Variants in LRRC4C observed in about 807,000 individuals in gnomAD.
LRRC4C encodes the protein leucine rich repeat containing 4C.
In LRRC4C, 5 loss-of-function variants were observed where a neutral mutation model predicts 33.6. That is an observed-to-expected ratio of 0.15 (90% confidence interval 0.08 to 0.31). The LOEUF (loss-of-function observed/expected upper bound fraction) is 0.31, where lower values mean the gene tolerates loss of function less well. Among genes scored for constraint, LRRC4C ranks in the 10% least tolerant of loss-of-function variants. The pLI, the probability that LRRC4C is intolerant of heterozygous loss-of-function variation, is 1.00. For missense variants in LRRC4C, 560 were observed against 796.7 expected, an observed-to-expected ratio of 0.70 and a Z score of 3.58; for synonymous variants, 329 against 302.0, an observed-to-expected ratio of 1.09 and a Z score of -0.93.
intron 3 of LRRC4C, among the ~76,000 whole-genome samples, chr11:40,329,110 T>C (rs1382909282): frequency 2.6e-5 from 4 of 152,192 alleles, no homozygotes; most frequent in African/African-American, 9.6e-5. Context: ...AAAATGCTAC[T>C]CTTTATAAGT....
intron 3 of LRRC4C, among the ~76,000 whole-genome samples, chr11:40,483,968 C>T (rs1953725621): frequency 6.6e-6 from 1 of 151,804 alleles, no homozygotes; most frequent in Non-Finnish European, 1.5e-5. Context: ...TAAAATGACC[C>T]CTGACTTAAC....
chr11:40,883,034 T>TGGAACTAAAAGGCTAC (rs1294189061), intron 2 of LRRC4C, among the ~76,000 whole-genome samples: 2 of 152,104 alleles, frequency 1.3e-5, no homozygotes, highest in African/African-American at 2.4e-5. Context: ...TAAAAGGCTT[T>TGGAACTAAAAGGCTAC]GGAACTAAAA....
intron 1 of LRRC4C, among the ~76,000 whole-genome samples, chr11:41,025,260 A>C (rs1856261362): frequency 6.6e-6 from 1 of 151,710 alleles, no homozygotes; most frequent in African/African-American, 2.4e-5. Flanking sequence ...TTGAAAGCCA[A>C]GATAGATATG....
chr11:41,226,628 C>G (rs1947547695), intron 1 of LRRC4C, among the ~76,000 whole-genome samples: 1 of 151,986 alleles, frequency 6.6e-6, no homozygotes, highest in Non-Finnish European at 1.5e-5. Flanking sequence ...TCCAACTCCT[C>G]CTGTCTTTTC....
intron 4 of LRRC4C, among the ~76,000 whole-genome samples, chr11:40,284,563 ACTAT>A (rs1226230106): frequency 6.6e-6 from 1 of 152,218 alleles, no homozygotes. Flanking sequence ...CGAGTAATAG[ACTAT>A]CTGAGGAAAA....
intron 2 of LRRC4C, among the ~76,000 whole-genome samples, chr11:40,780,655 C>T (rs1950176605): frequency 6.6e-6 from 1 of 152,050 alleles, no homozygotes; most frequent in African/African-American, 2.4e-5. Context: ...TGTTCCTAAA[C>T]ATCATTATAA....
At chr11:40,582,914 A>T (rs1238601800) in intron 3 of LRRC4C, among the ~76,000 whole-genome samples, 1 of 152,166 alleles carries the variant, frequency 6.6e-6, no homozygotes, top group East Asian at 1.9e-4. Context: ...TGATTCAATC[A>T]GGGTATTTAG....
chr11:40,961,592 T>C (rs1850982086), intron 1 of LRRC4C, among the ~76,000 whole-genome samples: 1 of 151,738 alleles, frequency 6.6e-6, no homozygotes, highest in Non-Finnish European at 1.5e-5. Flanking sequence ...AAGTTAATAA[T>C]GATTTTCAGG....
chr11:40,144,088 T>C (rs1188993575), intron 5 of LRRC4C, among the ~76,000 whole-genome samples: 1 of 152,164 alleles, frequency 6.6e-6, no homozygotes, highest in Non-Finnish European at 1.5e-5. Flanking sequence ...GGAAGTTATA[T>C]AATTTTTTTA....
chr11:40,389,302 A>G (rs2137432074), intron 3 of LRRC4C, among the ~76,000 whole-genome samples: 1 of 152,278 alleles, frequency 6.6e-6, no homozygotes, highest in East Asian at 1.9e-4. Context: ...ACTAAGAAAG[A>G]GCAGGGCATT....
intron 1 of LRRC4C, among the ~76,000 whole-genome samples, chr11:41,078,944 G>A (rs778305385): frequency 5.9e-5 from 9 of 152,178 alleles, no homozygotes; most frequent in East Asian, 1.9e-4. Context: ...ACCTCCTAAA[G>A]TGTTTCCTTG....
chr11:40,940,353 C>G, intron 1 of LRRC4C, among the ~76,000 whole-genome samples: 1 of 152,070 alleles, frequency 6.6e-6, no homozygotes, highest in East Asian at 1.9e-4. Context: ...ATTGTACTAT[C>G]TTCATTTTAC....
rs116014119 is a variant in LRRC4C, at chr11:40,564,175, C to T, written c.-270+83967G>A. Reference sequence around the variant, plus strand: ...CTTTCTTAGGACATTGGCTTTAATGCCCTGTAAAAGACCATAGGGAATGGG... The same window carrying T: ...CTTTCTTAGGACATTGGCTTTAATGTCCTGTAAAAGACCATAGGGAATGGG... On this transcript the variant is annotated intron_variant, in intron 3 of 6. Coordinates refer to ENST00000528697, the MANE Select transcript of LRRC4C (RefSeq NM_001258419.2). 6.2e-3 allele frequency among the ~76,000 whole-genome samples: 940 copies of T among 152,232 alleles called. 5 individuals are homozygous for T. Among genetic ancestry groups the T allele is most frequent in the African/African-American group, 0.021 (881 of 41,542 alleles).
intron 6 of LRRC4C, among the ~76,000 whole-genome samples, chr11:40,128,666 T>A (rs1448531959): frequency 1.3e-5 from 2 of 152,126 alleles, no homozygotes; most frequent in Non-Finnish European, 2.9e-5. Flanking sequence ...ACTTCTCAAC[T>A]TTTTCTTACT....
At chr11:41,407,262 A>T (rs1954277465) in intron 1 of LRRC4C, among the ~76,000 whole-genome samples, 1 of 149,442 alleles carries the variant, frequency 6.7e-6, no homozygotes, top group South Asian at 2.1e-4. Flanking sequence ...TAGAGTCAGG[A>T]TTTAAATCCA....
chr11:40,959,839 C>T (rs535145664), intron 1 of LRRC4C, among the ~76,000 whole-genome samples: 19 of 151,588 alleles, frequency 1.3e-4, no homozygotes, highest in Non-Finnish European at 2.1e-4. Flanking sequence ...AAAACAAGCT[C>T]AACACCCAAC....
intron 1 of LRRC4C, among the ~76,000 whole-genome samples, chr11:41,421,932 G>C (rs1259142219): frequency 6.6e-6 from 1 of 151,988 alleles, no homozygotes; most frequent in Non-Finnish European, 1.5e-5. Flanking sequence ...TTATGCAGGA[G>C]ACTTTTGTCC....
At chr11:41,357,150 G>C (rs946820066) in intron 1 of LRRC4C, among the ~76,000 whole-genome samples, 1 of 151,984 alleles carries the variant, frequency 6.6e-6, no homozygotes, top group Non-Finnish European at 1.5e-5. Flanking sequence ...GAGAAGGAGA[G>C]AGAGAGAGAA....
intron 6 of LRRC4C, among the ~76,000 whole-genome samples, chr11:40,123,093 A>G (rs1440531647): frequency 6.6e-6 from 1 of 151,962 alleles, no homozygotes; most frequent in African/African-American, 2.4e-5. Context: ...AAAGGGCCAG[A>G]TAGTAATTAT....
Sources: gnomAD v4.1 joint callset for allele counts (sites outside exome capture counted in the v4.1 genomes callset) on GRCh38, gnomAD v4.1.1 for gene constraint, MANE v1.5 for transcripts, NCBI Gene and HGNC (gene_info 2026-07-23, HGNC 2026-07-21) for gene names.